TNFAIP8: variants seen among roughly 807,000 people sequenced by gnomAD.
TNFAIP8 encodes tumor necrosis factor alpha-induced protein 8.
Under a neutral mutation model 13.3 loss-of-function variants are expected in TNFAIP8, and 7 were observed. The observed-to-expected ratio is 0.52, with a 90% confidence interval of 0.30 to 0.99. TNFAIP8 has a LOEUF of 0.99. Among genes scored for constraint, TNFAIP8 ranks in the 50% least tolerant of loss-of-function variants. The probability of loss-of-function intolerance (pLI) is 0.07; values close to 1 mark genes in which losing one functional copy is unlikely to be tolerated. For missense variants in TNFAIP8, 258 were observed against 236.9 expected (o/e 1.09, Z -0.58); for synonymous variants, 94 against 87.6 (o/e 1.07, Z -0.41).
At chr5:119,304,337 CA>C (rs1238784635) in intron 1 of TNFAIP8, among the ~76,000 whole-genome samples, 1 of 152,122 alleles carries the variant, frequency 6.6e-6, no homozygotes, top group African/African-American at 2.4e-5. Context: ...ACTCCTTCAC[CA>C]AACATATTAA....
chr5:119,318,164 C>T (rs556204140), intron 1 of TNFAIP8, among the ~76,000 whole-genome samples: 1 of 152,020 alleles, frequency 6.6e-6, no homozygotes, highest in East Asian at 1.9e-4. Context: ...TCTTGAAATG[C>T]TCTGAATTCA....
At position 119,285,745 on chromosome 5, in the gene TNFAIP8, C is replaced by T. The variant is rs1482804941; in HGVS notation, c.1+16838C>T. 2.0e-5 allele frequency among the ~76,000 whole-genome samples: 3 copies of T among 152,166 alleles called. No homozygotes were observed. The East Asian group carries it at 5.8e-4, about 29-fold the overall frequency. On this transcript the variant is annotated intron_variant, in intron 1 of 1. Transcript: ENST00000274456. Reference sequence around the variant, plus strand: ...AAAAAGCGTTCATTACAGCATTGTTCTTAAGAATGAACAAAACAAAAACTC... The same window carrying T: ...AAAAAGCGTTCATTACAGCATTGTTTTTAAGAATGAACAAAACAAAAACTC...
At chr5:119,282,619 G>A (rs535381797) in intron 1 of TNFAIP8, among the ~76,000 whole-genome samples, 7 of 152,174 alleles carry the variant, frequency 4.6e-5, no homozygotes, top group Non-Finnish European at 1.0e-4. Context: ...TGGTCCCCAC[G>A]CCTGCTTGCC....
intron 1 of TNFAIP8, among the ~76,000 whole-genome samples, chr5:119,309,077 C>A (rs559061425): frequency 6.6e-6 from 1 of 152,134 alleles, no homozygotes; most frequent in Non-Finnish European, 1.5e-5. Context: ...TTTTCAGTTG[C>A]TTTTTGTGAA....
chr5:119,391,063 T>C (rs995591354), intron 1 of TNFAIP8, among the ~76,000 whole-genome samples: 2 of 150,928 alleles, frequency 1.3e-5, no homozygotes, highest in Non-Finnish European at 2.9e-5. Context: ...ACTCCTGGGC[T>C]CAAGTGATCC....
At chr5:119,315,789 C>T (rs1275833733) in intron 1 of TNFAIP8, among the ~76,000 whole-genome samples, 2 of 152,140 alleles carry the variant, frequency 1.3e-5, no homozygotes, top group East Asian at 1.9e-4. Context: ...AGATGAACCC[C>T]ACCTCCACCA....
upstream of TNFAIP8, chr5:119,355,997 T>C: frequency 1.3e-6 from 2 of 1,526,428 alleles, no homozygotes; most frequent in Non-Finnish European, 1.8e-6. Flanking sequence ...CCTTTTATTT[T>C]CCGTCGTGTG....
At chr5:119,297,816 A>G (rs921152934) in intron 1 of TNFAIP8, among the ~76,000 whole-genome samples, 7 of 152,186 alleles carry the variant, frequency 4.6e-5, no homozygotes, top group African/African-American at 1.7e-4. Context: ...TATATTTAGG[A>G]TAGTTAGCTC....
chr5:119,302,361 A>C (rs1749422312), intron 1 of TNFAIP8, among the ~76,000 whole-genome samples: 1 of 152,228 alleles, frequency 6.6e-6, no homozygotes, highest in African/African-American at 2.4e-5. Flanking sequence ...ATTTCTAGAG[A>C]ACACTAAATA....
chr5:119,296,257 G>C lies in TNFAIP8; in HGVS notation c.1+27350G>C, dbSNP rs1485564416. 4.6e-3 allele frequency among the ~76,000 whole-genome samples: 690 copies of C among 150,796 alleles called. 3 individuals are homozygous for C. Among genetic ancestry groups the C allele is most frequent in the African/African-American group, 0.016 (643 of 40,124 alleles). The stretch of plus-strand genomic sequence containing the variant: ...TTGCCCATTCAGTATGATATTGGCT[G>C]TGGGTTTTTCATAGATAGCTCTTAT... On this transcript the variant is annotated intron_variant, in intron 1 of 1. Coordinates refer to the TNFAIP8 transcript ENST00000274456.
chr5:119,334,866 A>C (rs1750501151), intron 1 of TNFAIP8, among the ~76,000 whole-genome samples: 1 of 152,042 alleles, frequency 6.6e-6, no homozygotes, highest in Non-Finnish European at 1.5e-5. Flanking sequence ...TTGTGGAAGA[A>C]GTGAGTTTTG....
chr5:119,273,601 A>G (rs1011266708), intron 1 of TNFAIP8, among the ~76,000 whole-genome samples: 1 of 152,224 alleles, frequency 6.6e-6, no homozygotes, highest in African/African-American at 2.4e-5. Flanking sequence ...GCATGAGGGA[A>G]GCTTTCAAAA....
Position 119,297,805 on chromosome 5 carries a change from A to G in TNFAIP8, c.1+28898A>G, listed in dbSNP as rs182569142. ...GTGGGTGCTCCTGTATTGGGCACAT[A>G]TATATTTAGGATAGTTAGCTCTTCT... is the stretch of plus-strand genomic sequence containing the variant. On this transcript the variant is annotated intron_variant, in intron 1 of 1. Coordinates refer to the TNFAIP8 transcript ENST00000274456. 7.4e-4 allele frequency among the ~76,000 whole-genome samples: 112 copies of G among 152,308 alleles called. No homozygotes were observed. In the East Asian group the frequency reaches 0.017, roughly 23 times the overall value.
chr5:119,322,249 T>C (rs1489615631), intron 1 of TNFAIP8, among the ~76,000 whole-genome samples: 1 of 152,234 alleles, frequency 6.6e-6, no homozygotes, highest in African/African-American at 2.4e-5. Context: ...TTAGAACTTT[T>C]GTCACTGCTC....
intron 1 of TNFAIP8, among the ~76,000 whole-genome samples, chr5:119,391,096 T>A (rs1019852770): frequency 6.6e-6 from 1 of 151,396 alleles, no homozygotes; most frequent in Non-Finnish European, 1.5e-5. Flanking sequence ...GGCCTGCCAA[T>A]GTGCTGGGAT....
chr5:119,366,530 C>T (rs1751863816), intron 1 of TNFAIP8, among the ~76,000 whole-genome samples: 1 of 152,136 alleles, frequency 6.6e-6, no homozygotes, highest in Non-Finnish European at 1.5e-5. Context: ...ATGATTTCCT[C>T]AAAAAAGCTT....
intron 1 of TNFAIP8, among the ~76,000 whole-genome samples, chr5:119,299,417 CA>C (rs1749286295): frequency 6.6e-6 from 1 of 152,156 alleles, no homozygotes; most frequent in Non-Finnish European, 1.5e-5. Flanking sequence ...GGCTGCAGAA[CA>C]GTGGATTTTC....
chr5:119,281,306 ACTCTCTCT>A (rs34012819), intron 1 of TNFAIP8, among the ~76,000 whole-genome samples: 6 of 114,212 alleles, frequency 5.3e-5, no homozygotes, highest in Middle Eastern at 4.5e-3. Flanking sequence ...ACACACACAC[ACTCTCTCT>A]CTCTCACACT....
intron 1 of TNFAIP8, among the ~76,000 whole-genome samples, chr5:119,279,607 G>A (rs536820858): frequency 1.3e-5 from 2 of 152,028 alleles, no homozygotes; most frequent in Non-Finnish European, 2.9e-5. Flanking sequence ...GTCTTGCTCT[G>A]TTGCCCAGGC....
Sources: gnomAD v4.1 joint callset for allele counts (sites outside exome capture counted in the v4.1 genomes callset) on GRCh38, gnomAD v4.1.1 for gene constraint, MANE v1.5 for transcripts, NCBI Gene and HGNC (gene_info 2026-07-23, HGNC 2026-07-21) for gene names.